PDSS2: variants seen among roughly 807,000 people sequenced by gnomAD.
The protein encoded by PDSS2 is all trans-polyprenyl-diphosphate synthase PDSS2.
A neutral mutation model predicts 44.5 loss-of-function variants in PDSS2; 31 were observed. The observed-to-expected ratio is 0.70, with a 90% CI of 0.52 to 0.94. PDSS2 has a LOEUF of 0.94. PDSS2 is among the 40% of genes least tolerant of loss of function. The probability of loss-of-function intolerance (pLI) is 0.00; values close to 1 mark genes in which losing one functional copy is unlikely to be tolerated. For missense variants in PDSS2, 452 were observed against 482.2 expected, an observed-to-expected ratio of 0.94 and a Z score of 0.59; for synonymous variants, 157 against 180.3, an observed-to-expected ratio of 0.87 and a Z score of 1.03.
chr6:107,237,674 G>C (rs1774270931), intron 4 of PDSS2, among the ~76,000 whole-genome samples: 1 of 151,626 alleles, frequency 6.6e-6, no homozygotes, highest in African/African-American at 2.4e-5. Context: ...GTCGAGGCGG[G>C]CAGGTCACCT....
At chr6:107,355,130 A>G (rs2115350820) in intron 1 of PDSS2, among the ~76,000 whole-genome samples, 1 of 152,200 alleles carries the variant, frequency 6.6e-6, no homozygotes, top group East Asian at 1.9e-4. Context: ...ACAGGGTTTC[A>G]CCATGGTCTC....
At position 107,267,752 on chromosome 6, in the gene PDSS2, T is replaced by C. The variant is rs556412819; in HGVS notation, c.630+6277A>G. Among the ~76,000 whole-genome samples, 12 of 151,650 alleles carry C rather than the reference T, an allele frequency of 7.9e-5. No individual in the cohort carries two copies. The South Asian group carries it at 2.5e-3, about 32-fold the overall frequency. ...CAGCATGCACCACCATGCCTGTTTT[T>C]TGTTTTTTGTTTTTTTTTTCTGTAG... On this transcript the variant is annotated intron_variant, in intron 3 of 7. Coordinates refer to ENST00000369037, the MANE Select transcript of PDSS2 (RefSeq NM_020381.4).
chr6:107,207,901 T>TGC, intron 6 of PDSS2, among the ~76,000 whole-genome samples: 1 of 151,708 alleles, frequency 6.6e-6, no homozygotes, highest in East Asian at 2.0e-4. Context: ...TGAGCCACCA[T>TGC]GTCCAGCCAT....
intron 1 of PDSS2, among the ~76,000 whole-genome samples, chr6:107,377,093 G>C (rs1779308065): frequency 1.4e-5 from 2 of 146,710 alleles, no homozygotes; most frequent in Admixed American, 6.8e-5. Flanking sequence ...CCATCAGAGT[G>C]AACAGGCAAC....
At chr6:107,264,485 T>C (rs980121343) in intron 3 of PDSS2, 37 of 1,546,578 alleles carry the variant, frequency 2.4e-5, no homozygotes, top group Non-Finnish European at 3.0e-5. Context: ...ATCTGATATA[T>C]AGCAATAGGT....
chr6:107,449,447 C>G (rs761299462), intron 1 of PDSS2, among the ~76,000 whole-genome samples: 1 of 152,110 alleles, frequency 6.6e-6, no homozygotes, highest in Non-Finnish European at 1.5e-5. Flanking sequence ...CTCCATTTCC[C>G]CCTTCTTCCA....
chr6:107,228,409 C>G (rs1773908820), intron 4 of PDSS2, among the ~76,000 whole-genome samples: 1 of 152,028 alleles, frequency 6.6e-6, no homozygotes, highest in Non-Finnish European at 1.5e-5. Flanking sequence ...AAAAAGTTTG[C>G]TAGGCCAGGC....
At chr6:107,286,352 A>G (rs566627985) in intron 2 of PDSS2, among the ~76,000 whole-genome samples, 2 of 151,230 alleles carry the variant, frequency 1.3e-5, no homozygotes, top group Non-Finnish European at 3.0e-5. Context: ...TACTAAAAAA[A>G]TACAGAAATT....
intron 1 of PDSS2, among the ~76,000 whole-genome samples, chr6:107,351,027 T>C (rs1778418312): frequency 6.6e-6 from 1 of 151,838 alleles, no homozygotes; most frequent in South Asian, 2.1e-4. Flanking sequence ...TATACACAAA[T>C]TAATTTAAAT....
intron 1 of PDSS2, among the ~76,000 whole-genome samples, chr6:107,381,731 T>C (rs9486601): frequency 0.069 from 10,449 of 152,248 alleles, 430 homozygotes; most frequent in Non-Finnish European, 0.091. Context: ...TCCTTTAATA[T>C]ATTTCATCCT....
At chr6:107,411,934 G>T (rs1356831139) in intron 1 of PDSS2, among the ~76,000 whole-genome samples, 1 of 136,776 alleles carries the variant, frequency 7.3e-6, no homozygotes, top group Non-Finnish European at 1.5e-5. Flanking sequence ...TGCCCAAGCT[G>T]CAGTGCAATG....
intron 7 of PDSS2, among the ~76,000 whole-genome samples, chr6:107,189,864 G>C (rs1257759516): frequency 6.6e-6 from 1 of 152,016 alleles, no homozygotes; most frequent in African/African-American, 2.4e-5. Context: ...AGCATCACCA[G>C]TCTGGGTAAC....
intron 4 of PDSS2, among the ~76,000 whole-genome samples, chr6:107,232,122 G>C (rs1283274318): frequency 2.6e-5 from 4 of 152,182 alleles, no homozygotes; most frequent in Non-Finnish European, 4.4e-5. Context: ...TGAGTGAGCA[G>C]TCCTAGAGTA....
At chr6:107,177,231 A>G (rs1771826031) in intron 7 of PDSS2, among the ~76,000 whole-genome samples, 1 of 150,774 alleles carries the variant, frequency 6.6e-6, no homozygotes, top group South Asian at 2.1e-4. Flanking sequence ...CTCGGGTTCA[A>G]GTGATTCTTG....
At position 107,402,739 on chromosome 6, in the gene PDSS2, ATAGAACTATAAACTAGAAC is replaced by A. The variant is rs1226918532; in HGVS notation, c.296+56232_296+56250del. ...TAGATGGTTTTATAAAAAGCAGTTTATAGAACTATAAACTAGAACTAGAACTATAAACTAGAACTAGAAC... is the reference window on the plus strand; with the variant it reads ...TAGATGGTTTTATAAAAAGCAGTTTATAGAACTATAAACTAGAACTAGAAC... On this transcript the variant is annotated intron_variant, in intron 1 of 7. Transcript: ENST00000369037. 9.5e-4 allele frequency among the ~76,000 whole-genome samples: 144 copies of A among 151,732 alleles called. 3 individuals are homozygous for A. In the East Asian group the frequency reaches 0.016, roughly 17 times the overall value.
Position 107,215,572 on chromosome 6 carries a change from G to A in PDSS2, c.703-3290C>T, listed in dbSNP as rs546387373. On this transcript the variant is annotated intron_variant, in intron 4 of 7. Transcript: ENST00000369037. ...TTACAATGTAATAGAAGAGATAAGA[G>A]AAAGGTAGATGTAAACAAATTAGGA... Among the ~76,000 whole-genome samples the A allele has an allele frequency of 1.1e-3, 174 of 152,206 alleles. 1 individual carries two copies. The highest frequency in any genetic ancestry group is 2.2e-3 in the Non-Finnish European group (147 of 68,006).
At chr6:107,247,339 T>A (rs1774655282) in intron 3 of PDSS2, among the ~76,000 whole-genome samples, 1 of 152,246 alleles carries the variant, frequency 6.6e-6, no homozygotes, top group South Asian at 2.1e-4. Context: ...TGGCTCTGGA[T>A]AACCAGAGTG....
chr6:107,367,630 A>G (rs1436183212), intron 1 of PDSS2, among the ~76,000 whole-genome samples: 1 of 151,962 alleles, frequency 6.6e-6, no homozygotes, highest in Non-Finnish European at 1.5e-5. Flanking sequence ...CTAAAAATAC[A>G]AAAAAATTAG....
chr6:107,222,578 T>G (rs1003034598), intron 4 of PDSS2, among the ~76,000 whole-genome samples: 5 of 150,750 alleles, frequency 3.3e-5, no homozygotes, highest in African/African-American at 1.2e-4. Context: ...TCACTTGAAC[T>G]TGGGAGGCAG....
Sources: gnomAD v4.1 joint callset for allele counts (sites outside exome capture counted in the v4.1 genomes callset) on GRCh38, gnomAD v4.1.1 for gene constraint, MANE v1.5 for transcripts, NCBI Gene and HGNC (gene_info 2026-07-23, HGNC 2026-07-21) for gene names.